The following CCNJL variants were observed in gnomAD, a reference collection of about 807,000 sequenced individuals.
CCNJL encodes cyclin J like.
Under a neutral mutation model 33.4 loss-of-function variants are expected in CCNJL, and 33 were observed. That is an observed-to-expected ratio of 0.99 (90% CI 0.75 to 1.32). The LOEUF is 1.32. Ranked by LOEUF, CCNJL falls within the 40% of genes most tolerant of loss-of-function variation. The pLI is 0.00. For synonymous variants in CCNJL, 227 were observed against 220.9 expected (o/e 1.03, Z -0.24); for missense variants, 512 against 499.7 (o/e 1.02, Z -0.23).
At chr5:160,301,524 C>T (rs1762920976) in intron 2 of CCNJL, among the ~76,000 whole-genome samples, 1 of 151,626 alleles carries the variant, frequency 6.6e-6, no homozygotes, top group Non-Finnish European at 1.5e-5. Flanking sequence ...ACCTCTGCCT[C>T]GCGGGTTCAA....
Position 160,255,723 on chromosome 5 carries a change from CGGA to C in CCNJL, c.584-18_584-16del, listed in dbSNP as rs1561769699. The C allele has an allele frequency of 1.9e-6, 3 of 1,611,564 alleles. No individual in the cohort carries two copies. The highest frequency in any genetic ancestry group is 2.5e-6 in the Non-Finnish European group (3 of 1,179,020). ...GAATATGTGATCTGAAAGAAAGCCA[CGGA>C]GGGAGTCAGCATCCAAATCCTCCCC... On this transcript the variant is annotated splice_polypyrimidine_tract_variant and intron_variant, in intron 4 of 5. Coordinates refer to ENST00000257536, the MANE Select transcript of CCNJL (RefSeq NM_001308173.3).
chr5:160,288,058 G>A lies in CCNJL; in HGVS notation c.67-7320C>T, dbSNP rs374176628. ...GGACAGATGGCCATGGTGGAGTTCC[G>A]GGAAAAAGAAATCCACCTTACAAAA... On this transcript the variant is annotated intron_variant, in intron 2 of 5. Coordinates refer to ENST00000257536, the MANE Select transcript of CCNJL (RefSeq NM_001308173.3). Among the ~76,000 whole-genome samples the A allele has an allele frequency of 7.9e-4, 120 of 152,180 alleles. No homozygotes were observed. In the South Asian group the frequency reaches 8.7e-3, roughly 11 times the overall value.
At chr5:160,328,890 A>G (rs1419911699) in intron 1 of CCNJL, among the ~76,000 whole-genome samples, 3 of 151,280 alleles carry the variant, frequency 2.0e-5, no homozygotes, top group African/African-American at 7.4e-5. Flanking sequence ...AAAAAAAAAA[A>G]GAAAAAGAAA....
intron 2 of CCNJL, among the ~76,000 whole-genome samples, chr5:160,288,550 A>AACTAATTATAAATTAT (rs1762480562): frequency 6.6e-6 from 1 of 151,956 alleles, no homozygotes; most frequent in South Asian, 2.1e-4. Flanking sequence ...TACTAATTAT[A>AACTAATTATAAATTAT]AATTATATGT....
intron 2 of CCNJL, among the ~76,000 whole-genome samples, chr5:160,295,173 CA>C (rs1274030022): frequency 3.3e-5 from 5 of 152,242 alleles, no homozygotes; most frequent in Non-Finnish European, 1.5e-5. Flanking sequence ...CTTGTCTACT[CA>C]AAACCTCAGA....
intron 1 of CCNJL, among the ~76,000 whole-genome samples, chr5:160,320,996 TTCTCTC>T (rs138268750): frequency 0.065 from 6,300 of 97,106 alleles, 1,154 homozygotes; most frequent in African/African-American, 0.25. Flanking sequence ...CTTTCTTTCT[TTCTCTC>T]TCTCTCTCTC....
upstream of CCNJL, chr5:160,315,318 AACACACACACACACACACACAC>A (rs57432164): frequency 4.8e-5 from 5 of 104,022 alleles, no homozygotes; most frequent in East Asian, 2.7e-4. Context: ...CCCGCCCCCC[AACACACACACACACACACACAC>A]ACACACACAC....
intron 2 of CCNJL, among the ~76,000 whole-genome samples, chr5:160,285,476 T>C (rs892218913): frequency 3.3e-5 from 5 of 152,098 alleles, no homozygotes; most frequent in Non-Finnish European, 7.4e-5. Flanking sequence ...AAGGAAAGAA[T>C]TGCAGTGGTG....
intron 3 of CCNJL, among the ~76,000 whole-genome samples, chr5:160,268,614 T>C (rs1222315243): frequency 6.6e-6 from 1 of 152,080 alleles, no homozygotes; most frequent in East Asian, 1.9e-4. Flanking sequence ...TGTAAGAGGG[T>C]GCTTCAGTGG....
intron 1 of CCNJL, among the ~76,000 whole-genome samples, chr5:160,338,347 TCACGC>T (rs1443227078): frequency 6.6e-6 from 1 of 152,108 alleles, no homozygotes; most frequent in Non-Finnish European, 1.5e-5. Context: ...TGAGCTGAGA[TCACGC>T]CACTGCACTC....
chr5:160,273,947 C>A (rs927828227), intron 3 of CCNJL, among the ~76,000 whole-genome samples: 2 of 151,914 alleles, frequency 1.3e-5, no homozygotes, highest in Admixed American at 6.6e-5. Flanking sequence ...CTGCACCCGG[C>A]CTACAAAAGA....
intron 3 of CCNJL, among the ~76,000 whole-genome samples, chr5:160,270,780 A>G (rs1761805686): frequency 1.3e-5 from 2 of 152,184 alleles, no homozygotes; most frequent in South Asian, 4.1e-4. Flanking sequence ...CCTGCTGATA[A>G]AAACACTTTA....
intron 2 of CCNJL, among the ~76,000 whole-genome samples, chr5:160,310,670 C>T (rs953205951): frequency 6.6e-6 from 1 of 152,132 alleles, no homozygotes; most frequent in Non-Finnish European, 1.5e-5. Flanking sequence ...GGAGTCTTTT[C>T]AGATGTAATT....
intron 3 of CCNJL, among the ~76,000 whole-genome samples, chr5:160,276,691 TAGAG>T (rs199597303): frequency 0.011 from 1,699 of 152,276 alleles, 26 homozygotes; most frequent in African/African-American, 0.039. Context: ...GTTCTGGAAG[TAGAG>T]AGAGCGTGAA....
intron 3 of CCNJL, chr5:160,260,940 C>A (rs1476860123): frequency 1.3e-5 from 2 of 152,352 alleles, no homozygotes; most frequent in Admixed American, 1.3e-4. Context: ...TCGGTCTGTT[C>A]ACCCATGACC....
chr5:160,282,979 A>ATATATG (rs1209604786), intron 2 of CCNJL, among the ~76,000 whole-genome samples: 53 of 56,358 alleles, frequency 9.4e-4, no homozygotes, highest in Non-Finnish European at 1.5e-3. Flanking sequence ...ATATATATAT[A>ATATATG]TATATATATA....
chr5:160,320,830 TTTCTTTCTTTCTTTCTTTCC>T (rs1176216605), intron 1 of CCNJL, among the ~76,000 whole-genome samples: 2,086 of 125,742 alleles, frequency 0.017, 18 homozygotes, highest in Non-Finnish European at 0.022. Flanking sequence ...TCTTTCTTTC[TTTCTTTCTTTCTTTCTTTCC>T]TTCTTTCTTT....
intron 2 of CCNJL, among the ~76,000 whole-genome samples, chr5:160,284,966 C>G (rs1363717): frequency 6.6e-6 from 1 of 151,386 alleles, no homozygotes; most frequent in Admixed American, 6.6e-5. Context: ...GGCTCACACC[C>G]GTAATCTCAG....
At chr5:160,289,487 C>T (rs1164495182) in intron 2 of CCNJL, among the ~76,000 whole-genome samples, 1 of 152,082 alleles carries the variant, frequency 6.6e-6, no homozygotes, top group African/African-American at 2.4e-5. Flanking sequence ...TCACTGCTCC[C>T]CAAGTGGGAA....
Sources: allele counts gnomAD v4.1 joint callset (sites outside exome capture counted in the v4.1 genomes callset), GRCh38; gene constraint gnomAD v4.1.1; transcripts MANE v1.5; gene names NCBI Gene and HGNC (gene_info 2026-07-23, HGNC 2026-07-21).